OXCT1: variants seen among roughly 807,000 people sequenced by gnomAD.
OXCT1 encodes succinyl-CoA:3-ketoacid coenzyme A transferase 1, mitochondrial.
A neutral mutation model predicts 69.6 loss-of-function variants in OXCT1; 27 were observed. The ratio of observed to expected loss-of-function variants is 0.39; its 90% CI spans 0.29 to 0.54. The LOEUF is 0.54. OXCT1 is among the 20% of genes least tolerant of loss of function. The probability of loss-of-function intolerance (pLI) is 0.72; values close to 1 mark genes in which losing one functional copy is unlikely to be tolerated. For missense variants in OXCT1, 437 were observed against 650.2 expected (o/e 0.67, Z 3.57); for synonymous variants, 202 against 217.8 (o/e 0.93, Z 0.64).
At position 41,794,761 on chromosome 5, in the gene OXCT1, C is replaced by G. The variant is rs1318492355; in HGVS notation, c.1100-12G>C. 3 of 1,612,540 alleles carry G rather than the reference C, an allele frequency of 1.9e-6. No individual in the cohort carries two copies. In the African/African-American group the frequency reaches 4.0e-5, roughly 21 times the overall value. ...AACTGTTTCCTTGCCTAAACACACACACACACAAAAGAAAGAAAAGGCTAT... is the reference window on the plus strand; with the variant it reads ...AACTGTTTCCTTGCCTAAACACACAGACACACAAAAGAAAGAAAAGGCTAT... On this transcript the variant is annotated splice_polypyrimidine_tract_variant and intron_variant, in intron 11 of 16. Coordinates refer to ENST00000196371, the MANE Select transcript of OXCT1 (RefSeq NM_000436.4).
intron 15 of OXCT1, among the ~76,000 whole-genome samples, chr5:41,748,015 T>C (rs898433468): frequency 6.6e-6 from 1 of 152,224 alleles, no homozygotes; most frequent in African/African-American, 2.4e-5. Flanking sequence ...AGACTCTGCC[T>C]TCCTCCTTTC....
At position 41,731,295 on chromosome 5, in the gene OXCT1, A is replaced by G; in HGVS notation, c.*434T>C. On this transcript the variant is annotated 3_prime_UTR_variant, in exon 17 of 17. Coordinates refer to ENST00000196371, the MANE Select transcript of OXCT1 (RefSeq NM_000436.4). The stretch of plus-strand genomic sequence containing the variant: ...GAAGCCCCAAAAGAAAAGTCAGAGG[A>G]GGCTGAAGAAAAAACAATCATGACA... The G allele has an allele frequency of 3.8e-6, 3 of 798,158 alleles. No homozygotes were observed. Among genetic ancestry groups the G allele is most frequent in the Non-Finnish European group, 4.6e-6 (3 of 652,504 alleles). The allele number at this position is 798,158 out of a possible 1,614,324, so 49.4% of individuals were successfully genotyped here.
chr5:41,759,690 A>G (rs974192842), intron 14 of OXCT1, among the ~76,000 whole-genome samples: 3 of 152,088 alleles, frequency 2.0e-5, no homozygotes, highest in Non-Finnish European at 2.9e-5. Context: ...AACAACAAAA[A>G]ACACATTTTT....
At chr5:41,781,934 T>A (rs1315069116) in intron 13 of OXCT1, among the ~76,000 whole-genome samples, 1 of 152,188 alleles carries the variant, frequency 6.6e-6, no homozygotes, top group Non-Finnish European at 1.5e-5. Flanking sequence ...CGTTTCTTTA[T>A]AACAGAATGA....
At chr5:41,739,609 T>A in intron 15 of OXCT1, 118 bp from the exon 16 acceptor site, 1 of 738,936 alleles carries the variant, frequency 1.4e-6, no homozygotes, top group Non-Finnish European at 2.4e-6. Context: ...CTCAGGCCTA[T>A]AATCCCAGCA....
At chr5:41,771,617 T>C (rs1744873376) in intron 13 of OXCT1, among the ~76,000 whole-genome samples, 1 of 152,150 alleles carries the variant, frequency 6.6e-6, no homozygotes, top group South Asian at 2.1e-4. Context: ...TCAGACAATA[T>C]GGCTAAGTGA....
In OXCT1 at chr5:41,857,077, T is replaced by C. The variant is rs548161211; in HGVS notation, c.279-3523A>G. ...TTTGACTTCTCTCACAAACTCCACA[T>C]TGAATCTATCAGGAAATCCTGATTC... On this transcript the variant is annotated intron_variant, in intron 3 of 16. Coordinates refer to ENST00000196371, the MANE Select transcript of OXCT1 (RefSeq NM_000436.4). 2.2e-4 allele frequency among the ~76,000 whole-genome samples: 33 copies of C among 152,242 alleles called. No homozygotes were observed. In the South Asian group the frequency reaches 5.4e-3, roughly 25 times the overall value.
At chr5:41,847,733 T>G (rs1172772229) in intron 5 of OXCT1, among the ~76,000 whole-genome samples, 14 of 152,192 alleles carry the variant, frequency 9.2e-5, no homozygotes, top group Admixed American at 9.2e-4. Flanking sequence ...TCAACAACCC[T>G]TCATGCTAAA....
At chr5:41,735,473 C>A (rs1225149677) in intron 16 of OXCT1, among the ~76,000 whole-genome samples, 1 of 152,192 alleles carries the variant, frequency 6.6e-6, no homozygotes, top group Non-Finnish European at 1.5e-5. Context: ...AGTTTCAGAG[C>A]TGCAAGTTAT....
At chr5:41,846,296 A>C (rs903786783) in intron 5 of OXCT1, among the ~76,000 whole-genome samples, 2 of 102,518 alleles carry the variant, frequency 2.0e-5, no homozygotes, top group East Asian at 3.2e-4. Context: ...CCCACCCCAC[A>C]ACAGTCCCCA....
chr5:41,773,285 T>C (rs1744962868), intron 13 of OXCT1, among the ~76,000 whole-genome samples: 3 of 151,778 alleles, frequency 2.0e-5, no homozygotes, highest in Admixed American at 2.0e-4. Flanking sequence ...AATCAAACTA[T>C]TGAGAACAGC....
chr5:41,756,107 A>G (rs1744055358), intron 14 of OXCT1, among the ~76,000 whole-genome samples: 1 of 152,084 alleles, frequency 6.6e-6, no homozygotes, highest in South Asian at 2.1e-4. Context: ...TCAACTTCAT[A>G]ACAATTATTC....
chr5:41,738,975 G>A (rs1743023377), intron 16 of OXCT1, among the ~76,000 whole-genome samples: 1 of 152,200 alleles, frequency 6.6e-6, no homozygotes, highest in Non-Finnish European at 1.5e-5. Flanking sequence ...TTTAGAGAAA[G>A]TCATAAGTCA....
chr5:41,748,551 T>C (rs1743619162), intron 15 of OXCT1, among the ~76,000 whole-genome samples: 1 of 152,040 alleles, frequency 6.6e-6, no homozygotes, highest in Non-Finnish European at 1.5e-5. Context: ...GGATAAAATA[T>C]TCTGCCCCTT....
chr5:41,805,800 C>T (rs1434858250), intron 8 of OXCT1, 119 bp from the exon 9 acceptor site: 1 of 714,082 alleles, frequency 1.4e-6, no homozygotes, highest in African/African-American at 1.8e-5. Context: ...TGAGACAAAT[C>T]TGCAATATAC....
intron 14 of OXCT1, among the ~76,000 whole-genome samples, chr5:41,761,868 A>C (rs1368946747): frequency 6.6e-6 from 1 of 152,178 alleles, no homozygotes; most frequent in African/African-American, 2.4e-5. Flanking sequence ...TTTTACTTTT[A>C]ATAGGTATGC....
chr5:41,745,715 G>T (rs1041375933), intron 15 of OXCT1, among the ~76,000 whole-genome samples: 2 of 152,002 alleles, frequency 1.3e-5, no homozygotes, highest in Non-Finnish European at 2.9e-5. Flanking sequence ...TGATAAAGGG[G>T]ATATCACCAC....
intron 7 of OXCT1, among the ~76,000 whole-genome samples, chr5:41,810,909 G>A (rs1307033452): frequency 6.6e-6 from 1 of 151,812 alleles, no homozygotes; most frequent in African/African-American, 2.4e-5. Flanking sequence ...ACAAAGTAAG[G>A]GCTGTTGAGG....
intron 13 of OXCT1, among the ~76,000 whole-genome samples, chr5:41,790,331 T>A (rs1745854553): frequency 1.3e-5 from 2 of 152,242 alleles, no homozygotes; most frequent in Non-Finnish European, 2.9e-5. Flanking sequence ...TTCAGCGGAC[T>A]GCACATCTTT....
Sources: gnomAD v4.1 joint callset for allele counts (sites outside exome capture counted in the v4.1 genomes callset) on GRCh38, gnomAD v4.1.1 for gene constraint, MANE v1.5 for transcripts, NCBI Gene and HGNC (gene_info 2026-07-23, HGNC 2026-07-21) for gene names.